The following ARHGAP26 variants were observed in gnomAD, a reference collection of about 807,000 sequenced individuals.
The protein encoded by ARHGAP26 is Rho GTPase activating protein 26, also known as rho GTPase-activating protein 26.
ARHGAP26 carries 38 observed loss-of-function variants against 104.8 expected under a neutral mutation model. That is an observed-to-expected ratio of 0.36 (90% CI 0.28 to 0.48). The LOEUF is 0.48. Ranked by LOEUF, ARHGAP26 falls within the 20% of genes least tolerant of loss-of-function variation. The pLI, the probability that ARHGAP26 is intolerant of heterozygous loss-of-function variation, is 0.99. For synonymous variants in ARHGAP26, 341 were observed against 340.0 expected (o/e 1.00, Z -0.03); for missense variants, 704 against 947.9 (o/e 0.74, Z 3.38).
At chr5:142,808,194 C>T (rs379072) in intron 1 of ARHGAP26, among the ~76,000 whole-genome samples, 21,899 of 123,506 alleles carry the variant, frequency 0.18, 2,226 homozygotes, top group East Asian at 0.43. Context: ...GAGATCACAC[C>T]ACTGCACTCC....
intron 11 of ARHGAP26, among the ~76,000 whole-genome samples, chr5:142,952,579 A>G (rs1289694817): frequency 6.6e-6 from 1 of 152,104 alleles, no homozygotes; most frequent in Non-Finnish European, 1.5e-5. Flanking sequence ...ATTTTTAAAA[A>G]ATGGACCTGA....
intron 11 of ARHGAP26, among the ~76,000 whole-genome samples, chr5:142,993,160 T>G (rs1382297375): frequency 5.0e-5 from 4 of 80,034 alleles, no homozygotes; most frequent in African/African-American, 1.5e-4. Context: ...TTTGTGTGGT[T>G]TTTTTTTTTT....
At chr5:142,878,945 G>C (rs918441378) in intron 3 of ARHGAP26, among the ~76,000 whole-genome samples, 2 of 152,172 alleles carry the variant, frequency 1.3e-5, no homozygotes, top group Non-Finnish European at 2.9e-5. Context: ...TATGCCATCA[G>C]ATGTCCAGAG....
chr5:143,137,751 G>A (rs1490784883), intron 19 of ARHGAP26, among the ~76,000 whole-genome samples: 1 of 152,228 alleles, frequency 6.6e-6, no homozygotes, highest in Non-Finnish European at 1.5e-5. Flanking sequence ...AATGCTTAGT[G>A]GGGTTGAGGC....
At chr5:143,064,791 G>T (rs1418205985) in intron 17 of ARHGAP26, among the ~76,000 whole-genome samples, 1 of 152,178 alleles carries the variant, frequency 6.6e-6, no homozygotes, top group African/African-American at 2.4e-5. Flanking sequence ...GAGAGAGAAA[G>T]ATATCAGTTC....
chr5:143,196,983 A>C (rs2151291649), intron 20 of ARHGAP26, among the ~76,000 whole-genome samples: 1 of 152,340 alleles, frequency 6.6e-6, no homozygotes, highest in African/African-American at 2.4e-5. Context: ...TATATCCCTA[A>C]ATGCAACATT....
intron 11 of ARHGAP26, among the ~76,000 whole-genome samples, chr5:143,008,674 A>T (rs190822646): frequency 6.6e-6 from 1 of 152,328 alleles, no homozygotes; most frequent in Admixed American, 6.5e-5. Context: ...TTTGATCCAA[A>T]GTGTGGTATG....
chr5:142,879,128 C>G (rs1756561089), intron 3 of ARHGAP26, among the ~76,000 whole-genome samples: 1 of 152,142 alleles, frequency 6.6e-6, no homozygotes, highest in Non-Finnish European at 1.5e-5. Flanking sequence ...TTTAGAGTTC[C>G]TCATTTTTAC....
intron 11 of ARHGAP26, among the ~76,000 whole-genome samples, chr5:142,932,610 G>A (rs1219519410): frequency 2.0e-5 from 3 of 152,172 alleles, no homozygotes; most frequent in Admixed American, 6.5e-5. Context: ...TAGTTCCAAG[G>A]ATCTCAACTC....
intron 4 of ARHGAP26, among the ~76,000 whole-genome samples, chr5:142,884,471 CTG>C (rs2152401006): frequency 6.6e-6 from 1 of 152,322 alleles, no homozygotes; most frequent in Admixed American, 6.5e-5. Flanking sequence ...AGAAAAATAA[CTG>C]TTACCCCATT....
chr5:142,900,016 G>T lies in ARHGAP26; in HGVS notation c.598-1919G>T, dbSNP rs368872168. The stretch of plus-strand genomic sequence containing the variant: ...AGGAGGAATGACCTTGGAATTAACT[G>T]CTTATCTTCTGCGTTATTCTCAAGT... On this transcript the variant is annotated intron_variant, in intron 6 of 22. Coordinates refer to ENST00000645722, the MANE Select transcript of ARHGAP26 (RefSeq NM_001135608.3). Among the ~76,000 whole-genome samples, 21 of 152,318 alleles carry T rather than the reference G, an allele frequency of 1.4e-4. No individual in the cohort carries two copies. The East Asian group carries it at 3.9e-3, about 28-fold the overall frequency.
At chr5:142,984,291 T>C (rs1774361259) in intron 11 of ARHGAP26, among the ~76,000 whole-genome samples, 1 of 152,164 alleles carries the variant, frequency 6.6e-6, no homozygotes, top group South Asian at 2.1e-4. Context: ...GGAGTGTGTG[T>C]TTTCAGCTGG....
chr5:143,167,482 C>CAAAAAAAAAAAAAAAAAAAAAAAA (rs6149274), intron 20 of ARHGAP26, among the ~76,000 whole-genome samples: 3 of 60,088 alleles, frequency 5.0e-5, no homozygotes, highest in African/African-American at 1.7e-4. Context: ...GACTCCATCT[C>CAAAAAAAAAAAAAAAAAAAAAAAA]AAAAAAAAAA....
At chr5:143,117,915 G>T (rs941529757) in intron 17 of ARHGAP26, among the ~76,000 whole-genome samples, 2 of 152,232 alleles carry the variant, frequency 1.3e-5, no homozygotes, top group Admixed American at 6.5e-5. Flanking sequence ...CTTAGTGAAA[G>T]CTCATTGTGC....
In ARHGAP26 at chr5:142,985,663, C is replaced by G. The variant is rs574209064; in HGVS notation, c.1108-28417C>G. Among the ~76,000 whole-genome samples the G allele has an allele frequency of 3.5e-5, 5 of 141,412 alleles. No individual in the cohort carries two copies. The South Asian group carries it at 7.4e-4, about 21-fold the overall frequency. The allele number at this position is 141,412 out of a possible 152,430, so 92.8% of individuals were successfully genotyped here. On this transcript the variant is annotated intron_variant, in intron 11 of 22. Coordinates refer to ENST00000645722, the MANE Select transcript of ARHGAP26 (RefSeq NM_001135608.3). ...AATGCTATCCCTCCCCCCTCCCCCCCACCCTACAACAGGCCCTGGTGTGTG... is the reference window on the plus strand; with the variant it reads ...AATGCTATCCCTCCCCCCTCCCCCCGACCCTACAACAGGCCCTGGTGTGTG...
At chr5:143,214,835 C>T (rs1810083374) in intron 22 of ARHGAP26, among the ~76,000 whole-genome samples, 1 of 152,240 alleles carries the variant, frequency 6.6e-6, no homozygotes, top group African/African-American at 2.4e-5. Flanking sequence ...GGGATTACCC[C>T]AGAACTGCAT....
In ARHGAP26 at chr5:142,931,931, T is replaced by C. The variant is rs527903671; in HGVS notation, c.1029-116T>C. 35 of 952,916 alleles carry C rather than the reference T, an allele frequency of 3.7e-5. No homozygotes were observed. The East Asian group carries it at 8.5e-4, about 23-fold the overall frequency. 59.0% of individuals were successfully genotyped at this position (952,916 alleles called of 1,614,324 possible). A position where few individuals can be genotyped will look rare whatever the true frequency, so the allele number is the denominator to read the frequency against. On this transcript the variant is annotated intron_variant, in intron 10 of 22. Coordinates refer to ENST00000645722, the MANE Select transcript of ARHGAP26 (RefSeq NM_001135608.3). ...TAAAGCCGAGTGTTTTGCCCCTCTT[T>C]GTGTTGTTAACCTTAGCAGCCACTG...
At chr5:142,810,343 A>G (rs1420644113) in intron 1 of ARHGAP26, among the ~76,000 whole-genome samples, 2 of 152,170 alleles carry the variant, frequency 1.3e-5, no homozygotes, top group Non-Finnish European at 2.9e-5. Context: ...ATAGTGTGGA[A>G]TTTAGGGTAG....
chr5:143,121,282 G>A, intron 18 of ARHGAP26, 135 bp downstream of exon 18: 1 of 905,588 alleles, frequency 1.1e-6, no homozygotes, highest in East Asian at 2.8e-5. Flanking sequence ...TGCTGGTGGT[G>A]GTAGTGATGG....
Sources: gnomAD v4.1 joint callset for allele counts (sites outside exome capture counted in the v4.1 genomes callset) on GRCh38, gnomAD v4.1.1 for gene constraint, MANE v1.5 for transcripts, NCBI Gene and HGNC (gene_info 2026-07-23, HGNC 2026-07-21) for gene names.